ST3GAL3: variants seen among roughly 807,000 people sequenced by gnomAD.
The protein encoded by ST3GAL3 is CMP-N-acetylneuraminate-beta-1,4-galactoside alpha-2,3-sialyltransferase.
A neutral mutation model predicts 50.1 loss-of-function variants in ST3GAL3; 21 were observed. The observed-to-expected ratio is 0.42, with a 90% CI of 0.30 to 0.60. The LOEUF (loss-of-function observed/expected upper bound fraction) is 0.60, where lower values mean the gene tolerates loss of function less well. Among genes scored for constraint, ST3GAL3 ranks in the 20% least tolerant of loss-of-function variants. ST3GAL3 has a pLI of 0.19. For missense variants in ST3GAL3, 353 were observed against 489.4 expected, an observed-to-expected ratio of 0.72 and a Z score of 2.63; for synonymous variants, 183 against 190.0, an observed-to-expected ratio of 0.96 and a Z score of 0.30.
intron 3 of ST3GAL3, among the ~76,000 whole-genome samples, chr1:43,814,113 A>T (rs1225483353): frequency 6.6e-6 from 1 of 152,108 alleles, no homozygotes; most frequent in African/African-American, 2.4e-5. Context: ...CTTTGCGCTT[A>T]GTTTTAGCTA....
In ST3GAL3 at chr1:43,719,605, C is replaced by A. The variant is rs181258851; in HGVS notation, c.-31+11912C>A. On this transcript the variant is annotated intron_variant, in intron 1 of 11. Transcript: ENST00000347631. ...GCTTGAACCTGGGAGGCTGAGGTTGCAGTGAGCTAAGACCATGCCACTGCA... is the reference window on the plus strand; with the variant it reads ...GCTTGAACCTGGGAGGCTGAGGTTGAAGTGAGCTAAGACCATGCCACTGCA... 2.7e-5 allele frequency among the ~76,000 whole-genome samples: 4 copies of A among 150,464 alleles called. No homozygotes were observed. In the East Asian group the frequency reaches 7.9e-4, roughly 30 times the overall value.
intron 4 of ST3GAL3, among the ~76,000 whole-genome samples, chr1:43,836,842 A>G (rs2064412110): frequency 6.6e-6 from 1 of 152,266 alleles, no homozygotes; most frequent in South Asian, 2.1e-4. Flanking sequence ...CAGTGACTCC[A>G]GACCCACATT....
At chr1:43,868,949 C>G (rs1004102563) in intron 5 of ST3GAL3, among the ~76,000 whole-genome samples, 5 of 152,114 alleles carry the variant, frequency 3.3e-5, no homozygotes, top group African/African-American at 1.2e-4. Context: ...TGAAGAAAGT[C>G]CCTAGATGCT....
At chr1:43,850,780 A>G in intron 5 of ST3GAL3, 1 of 868,430 alleles carries the variant, frequency 1.2e-6, no homozygotes, top group South Asian at 1.3e-5. Context: ...TAAACTTCAA[A>G]TTCCAGAGTC....
chr1:43,791,376 T>A (rs535079958), intron 2 of ST3GAL3, among the ~76,000 whole-genome samples: 1 of 152,340 alleles, frequency 6.6e-6, no homozygotes, highest in Admixed American at 6.5e-5. Flanking sequence ...TAGTATAGTA[T>A]CTTGCACATA....
chr1:43,874,635 T>C (rs2073717880), intron 5 of ST3GAL3, among the ~76,000 whole-genome samples: 2 of 152,176 alleles, frequency 1.3e-5, no homozygotes, highest in African/African-American at 4.8e-5. Context: ...CAGTGTCCTT[T>C]AGTAAATGAA....
At chr1:43,822,710 C>A (rs1573661420) in intron 4 of ST3GAL3, among the ~76,000 whole-genome samples, 2 of 152,142 alleles carry the variant, frequency 1.3e-5, no homozygotes, top group Non-Finnish European at 2.9e-5. Flanking sequence ...GTTACCTGTT[C>A]CCACAACATT....
intron 5 of ST3GAL3, among the ~76,000 whole-genome samples, chr1:43,884,477 A>G (rs1311592334): frequency 6.6e-6 from 1 of 152,200 alleles, no homozygotes; most frequent in Non-Finnish European, 1.5e-5. Context: ...CTTCCTGTGC[A>G]TGGCCCTTTA....
At chr1:43,804,629 A>G (rs959550381) in intron 3 of ST3GAL3, among the ~76,000 whole-genome samples, 2 of 152,308 alleles carry the variant, frequency 1.3e-5, no homozygotes, top group South Asian at 4.1e-4. Flanking sequence ...AGGGAACCCC[A>G]AAGCAAAACT....
In ST3GAL3 at chr1:43,775,731, C is replaced by G. The variant is rs182233490; in HGVS notation, c.119-16371C>G. Reference sequence around the variant, plus strand: ...AAGTTCCCTTTTTCTTGTGCATACCCTTGTTCAGCATAGTTACCAAATAAA... The same window carrying G: ...AAGTTCCCTTTTTCTTGTGCATACCGTTGTTCAGCATAGTTACCAAATAAA... On this transcript the variant is annotated intron_variant, in intron 2 of 11. Coordinates refer to ENST00000347631, the MANE Select transcript of ST3GAL3 (RefSeq NM_006279.5). Among the ~76,000 whole-genome samples, 695 of 152,058 alleles carry G rather than the reference C, an allele frequency of 4.6e-3. 7 individuals are homozygous for G. Among genetic ancestry groups the G allele is most frequent in the South Asian group, 0.018 (85 of 4,812 alleles).
intron 5 of ST3GAL3, among the ~76,000 whole-genome samples, chr1:43,883,631 C>A (rs1213328272): frequency 6.6e-6 from 1 of 152,198 alleles, no homozygotes; most frequent in South Asian, 2.1e-4. Flanking sequence ...CACTTGCCTG[C>A]CCATTCTTCC....
At chr1:43,817,241 G>A (rs1204118139) in intron 4 of ST3GAL3, among the ~76,000 whole-genome samples, 1 of 152,116 alleles carries the variant, frequency 6.6e-6, no homozygotes, top group Non-Finnish European at 1.5e-5. Flanking sequence ...AAATAAAAGC[G>A]TTCCATAAAG....
chr1:43,764,652 A>C (rs975831316), intron 2 of ST3GAL3, among the ~76,000 whole-genome samples: 1 of 152,222 alleles, frequency 6.6e-6, no homozygotes, highest in African/African-American at 2.4e-5. Context: ...AGCCCACCCC[A>C]TGGGGACTAG....
At chr1:43,855,939 C>A (rs2068277884) in intron 5 of ST3GAL3, among the ~76,000 whole-genome samples, 1 of 152,136 alleles carries the variant, frequency 6.6e-6, no homozygotes, top group South Asian at 2.1e-4. Flanking sequence ...ATGGATATAA[C>A]AGGAACAGGC....
At chr1:43,757,470 A>G (rs1334945043) in intron 2 of ST3GAL3, among the ~76,000 whole-genome samples, 1 of 152,240 alleles carries the variant, frequency 6.6e-6, no homozygotes, top group African/African-American at 2.4e-5. Flanking sequence ...ATATAGATCA[A>G]TGAGACAGAA....
At chr1:43,915,787 T>C (rs948738002) in intron 9 of ST3GAL3, among the ~76,000 whole-genome samples, 2 of 152,182 alleles carry the variant, frequency 1.3e-5, no homozygotes, top group Non-Finnish European at 2.9e-5. Context: ...GCAGTGGTGA[T>C]CTGATTTGTA....
At chr1:43,830,875 T>A (rs1430263845) in intron 4 of ST3GAL3, among the ~76,000 whole-genome samples, 1 of 152,238 alleles carries the variant, frequency 6.6e-6, no homozygotes, top group Non-Finnish European at 1.5e-5. Flanking sequence ...AATGAGCAGT[T>A]ATTTTCCTTC....
chr1:43,876,189 C>A (rs2074085824), intron 5 of ST3GAL3, among the ~76,000 whole-genome samples: 1 of 152,122 alleles, frequency 6.6e-6, no homozygotes, highest in East Asian at 1.9e-4. Context: ...ATCTCAAACT[C>A]CTGGGCTCAA....
At chr1:43,750,616 A>G (rs1408925975) in intron 2 of ST3GAL3, among the ~76,000 whole-genome samples, 1 of 152,146 alleles carries the variant, frequency 6.6e-6, no homozygotes, top group Non-Finnish European at 1.5e-5. Context: ...TTGGCCCAGC[A>G]CAGTGGCTAA....
Sources: allele counts gnomAD v4.1 joint callset (sites outside exome capture counted in the v4.1 genomes callset), GRCh38; gene constraint gnomAD v4.1.1; transcripts MANE v1.5; gene names NCBI Gene and HGNC (gene_info 2026-07-23, HGNC 2026-07-21).